The following CHLSN variants were observed in gnomAD, a reference collection of about 807,000 sequenced individuals.
CHLSN encodes the protein protein cholesin.
chr7:1,114,625 G>C, the CHLSN span, among the ~76,000 whole-genome samples: 2 of 152,262 alleles, frequency 1.3e-5, no homozygotes, highest in Non-Finnish European at 2.9e-5. Flanking sequence ...CCCTTCCCCA[G>C]CTGGCCTTTA....
At chr7:1,089,732 A>G in the CHLSN span, among the ~76,000 whole-genome samples, 1 of 138,556 alleles carries the variant, frequency 7.2e-6, no homozygotes, top group Non-Finnish European at 1.5e-5. Context: ...TTTTTTAAGT[A>G]AGTATTTTCA....
chr7:999,627 T>C, the CHLSN span, among the ~76,000 whole-genome samples: 1 of 152,252 alleles, frequency 6.6e-6, no homozygotes, highest in Admixed American at 6.5e-5. Flanking sequence ...CTGCAGGCTA[T>C]GCCTGGAATG....
the CHLSN span, among the ~76,000 whole-genome samples, chr7:1,105,357 C>G: frequency 5.2e-4 from 79 of 152,360 alleles, no homozygotes; most frequent in African/African-American, 1.6e-3. Flanking sequence ...GGCTGTGGAA[C>G]AGGCTTCTGG....
At chr7:1,114,597 C>T in the CHLSN span, among the ~76,000 whole-genome samples, 6,072 of 152,340 alleles carry the variant, frequency 0.04, 185 homozygotes, top group African/African-American at 0.078. Flanking sequence ...GTGATGGGCG[C>T]GGGGCCCAAG....
At chr7:1,096,932 C>T in the CHLSN span, among the ~76,000 whole-genome samples, 3 of 151,290 alleles carry the variant, frequency 2.0e-5, no homozygotes, top group Non-Finnish European at 4.4e-5. This position sits in a 1 kb window ranked among gnomAD's most constrained non-coding sequence, Gnocchi z 4.6. Context: ...GTTTCTGTGG[C>T]GGGGTGGGAA....
At chr7:1,025,960 A>C in the CHLSN span, 2 of 152,270 alleles carry the variant, frequency 1.3e-5, no homozygotes, top group Non-Finnish European at 2.9e-5. Context: ...CAGCAGCTCA[A>C]GCTTCAGCTG....
At chr7:1,103,888 C>T in the CHLSN span, among the ~76,000 whole-genome samples, 5 of 152,326 alleles carry the variant, frequency 3.3e-5, no homozygotes, top group South Asian at 2.1e-4. Context: ...GGAGAGCACC[C>T]GGTGGGGCAG....
At chr7:1,012,678 T>A in the CHLSN span, among the ~76,000 whole-genome samples, 1 of 152,220 alleles carries the variant, frequency 6.6e-6, no homozygotes, top group South Asian at 2.1e-4. Flanking sequence ...GGTGCACCTT[T>A]AACTTTTCCA....
At chr7:1,100,783 A>C in the CHLSN span, among the ~76,000 whole-genome samples, 1 of 150,590 alleles carries the variant, frequency 6.6e-6, no homozygotes, top group East Asian at 1.9e-4. Context: ...AAAAAAAAAC[A>C]AAACAAAACC....
the CHLSN span, among the ~76,000 whole-genome samples, chr7:1,079,814 C>T: frequency 2.0e-5 from 3 of 152,258 alleles, no homozygotes; most frequent in Non-Finnish European, 2.9e-5. Flanking sequence ...GGGGAAGCAG[C>T]CCTGGAGAAG....
chr7:984,712 G>A, the CHLSN span: 1 of 1,300,422 alleles, frequency 7.7e-7, no homozygotes, highest in South Asian at 1.4e-5. Context: ...CTCCGGGCTG[G>A]TGCTGAGAAG....
the CHLSN span, among the ~76,000 whole-genome samples, chr7:978,007 C>G: frequency 6.6e-6 from 1 of 152,232 alleles, no homozygotes; most frequent in Non-Finnish European, 1.5e-5. Flanking sequence ...GAAGCGCTCA[C>G]TCACTTGACT....
chr7:1,028,504 G>A, the CHLSN span: 7 of 985,154 alleles, frequency 7.1e-6, no homozygotes, highest in East Asian at 2.3e-4. Flanking sequence ...AGAAGGCGGG[G>A]GTGGACCCTG....
the CHLSN span, among the ~76,000 whole-genome samples, chr7:1,023,610 G>A: frequency 7.0e-6 from 1 of 142,256 alleles, no homozygotes; most frequent in Non-Finnish European, 1.5e-5. This position sits in a 1 kb window ranked among gnomAD's most constrained non-coding sequence, Gnocchi z 5.0. Flanking sequence ...GACTGTGGGG[G>A]CCTCCTCCCA....
At chr7:1,111,263 A>T in the CHLSN span, among the ~76,000 whole-genome samples, 1,336 of 152,368 alleles carry the variant, frequency 8.8e-3, 10 homozygotes, top group Non-Finnish European at 0.014. Context: ...TAAAGCAATC[A>T]CCAGCTATCA....
chr7:997,657 G>A, the CHLSN span: 17 of 1,609,328 alleles, frequency 1.1e-5, 1 homozygote, highest in South Asian at 7.7e-5. Context: ...TGTCGGATGC[G>A]CTGGGCCCTC....
At chr7:1,123,071 A>T in the CHLSN span, among the ~76,000 whole-genome samples, 1 of 152,208 alleles carries the variant, frequency 6.6e-6, no homozygotes. This position sits in a 1 kb window ranked among gnomAD's most constrained non-coding sequence, Gnocchi z 4.4. Context: ...AACAACACCC[A>T]GAGCCGAGAC....
chr7:1,117,799 C>T, the CHLSN span, among the ~76,000 whole-genome samples: 1 of 152,104 alleles, frequency 6.6e-6, no homozygotes, highest in Middle Eastern at 3.2e-3. Context: ...GACATCGCTA[C>T]GGCTCTACCG....
At chr7:1,133,409 A>AAAAAAAAAC in the CHLSN span, among the ~76,000 whole-genome samples, 617 of 149,412 alleles carry the variant, frequency 4.1e-3, 6 homozygotes, top group East Asian at 0.06. Context: ...AAAAAAAAAA[A>AAAAAAAAAC]AAAACTATAA....
Sources: allele counts gnomAD v4.1 joint callset (sites outside exome capture counted in the v4.1 genomes callset), GRCh38; gene constraint gnomAD v4.1.1; non-coding constraint Gnocchi (gnomAD v3.1); transcripts MANE v1.5; gene names NCBI Gene and HGNC (gene_info 2026-07-23, HGNC 2026-07-21).